Variants in RNF130 observed in about 807,000 individuals in gnomAD.
RNF130 encodes the protein E3 ubiquitin-protein ligase RNF130.
Under a neutral mutation model 44.6 loss-of-function variants are expected in RNF130, and 21 were observed. That is an observed-to-expected ratio of 0.47 (90% CI 0.33 to 0.68). The LOEUF (loss-of-function observed/expected upper bound fraction) is 0.68, where lower values mean the gene tolerates loss of function less well. RNF130 is among the 30% of genes least tolerant of loss of function. The pLI, the probability that RNF130 is intolerant of heterozygous loss-of-function variation, is 0.02. For synonymous variants in RNF130, 214 were observed against 210.4 expected (o/e 1.02, Z -0.15); for missense variants, 479 against 560.6 (o/e 0.85, Z 1.47).
chr5:179,962,164 A>G (rs1384643428), intron 8 of RNF130, among the ~76,000 whole-genome samples: 2 of 152,196 alleles, frequency 1.3e-5, no homozygotes, highest in Non-Finnish European at 2.9e-5. Flanking sequence ...AGCAGCAGCT[A>G]GTGGTTCACC....
chr5:179,917,583 C>T (rs1035862522), exon 8 of RNF130: 5 of 152,318 alleles, frequency 3.3e-5, no homozygotes, highest in African/African-American at 7.2e-5. Context: ...CATGTGGCGA[C>T]GTGTGTCTTC....
chr5:179,929,619 A>G (rs1761776621), intron 7 of RNF130, among the ~76,000 whole-genome samples: 1 of 152,204 alleles, frequency 6.6e-6, no homozygotes. Flanking sequence ...ATGGGGGTGC[A>G]TGCCTGTAGT....
chr5:180,063,978 G>A (rs1431695146), intron 1 of RNF130, among the ~76,000 whole-genome samples: 1 of 152,172 alleles, frequency 6.6e-6, no homozygotes, highest in Non-Finnish European at 1.5e-5. Flanking sequence ...GGGGACAAAG[G>A]ACACAATCAC....
intron 7 of RNF130, among the ~76,000 whole-genome samples, chr5:179,939,237 AT>A (rs1212397965): frequency 6.6e-6 from 1 of 151,220 alleles, no homozygotes; most frequent in Non-Finnish European, 1.5e-5. Context: ...AAATAAATAA[AT>A]AAAAGTGCAT....
chr5:180,025,724 C>T (rs1470765287), intron 2 of RNF130, among the ~76,000 whole-genome samples: 7 of 152,196 alleles, frequency 4.6e-5, no homozygotes, highest in African/African-American at 7.2e-5. Context: ...TAAACCCTTA[C>T]TTCCTGCCAC....
intron 1 of RNF130, among the ~76,000 whole-genome samples, chr5:180,055,576 C>T (rs1468330824): frequency 2.0e-5 from 3 of 152,122 alleles, no homozygotes; most frequent in Admixed American, 6.5e-5. Flanking sequence ...ATGGTAGTGA[C>T]TCTCTCATTC....
chr5:179,964,510 C>T (rs1762401417), intron 7 of RNF130: 2 of 152,168 alleles, frequency 1.3e-5, no homozygotes, highest in South Asian at 4.1e-4. Context: ...AATAAAATTA[C>T]CTATATATGT....
intron 7 of RNF130, among the ~76,000 whole-genome samples, chr5:179,966,357 C>T (rs1703504592): frequency 6.6e-6 from 1 of 152,240 alleles, no homozygotes; most frequent in East Asian, 1.9e-4. Flanking sequence ...GGCTATGTTC[C>T]AAGAACTGTG....
At chr5:180,069,012 A>C (rs1765179981) in intron 1 of RNF130, among the ~76,000 whole-genome samples, 1 of 152,252 alleles carries the variant, frequency 6.6e-6, no homozygotes. Flanking sequence ...AAACTCATTA[A>C]ATCAAGATTA....
At chr5:180,060,046 CAG>C (rs765844491) in intron 1 of RNF130, among the ~76,000 whole-genome samples, 3 of 152,126 alleles carry the variant, frequency 2.0e-5, no homozygotes, top group East Asian at 1.9e-4. Flanking sequence ...AAGTCAAAGT[CAG>C]AGACTTGAAG....
chr5:180,043,581 G>A (rs1467436839), intron 1 of RNF130, among the ~76,000 whole-genome samples: 1 of 151,954 alleles, frequency 6.6e-6, no homozygotes, highest in Non-Finnish European at 1.5e-5. Context: ...TCAGAAGACA[G>A]CAGTTCAGTA....
exon 8 of RNF130, chr5:179,920,243 A>G (rs971283262): frequency 1.5e-6 from 1 of 662,300 alleles, no homozygotes; most frequent in African/African-American, 1.8e-5. Flanking sequence ...TGACAGGAGA[A>G]TACAAAATAA....
chr5:179,999,741 G>C (rs1030101600), intron 3 of RNF130, among the ~76,000 whole-genome samples: 4 of 152,150 alleles, frequency 2.6e-5, no homozygotes. Flanking sequence ...AGAAAAAAAA[G>C]AAGTGAAGTG....
chr5:180,044,040 G>A (rs10068529), intron 1 of RNF130, among the ~76,000 whole-genome samples: 80,457 of 151,966 alleles, frequency 0.53, 22,391 homozygotes, highest in South Asian at 0.73. Flanking sequence ...CATGACTGAT[G>A]ACTATAATTA....
intron 1 of RNF130, among the ~76,000 whole-genome samples, chr5:180,054,842 A>C (rs1764771010): frequency 6.6e-6 from 1 of 152,200 alleles, no homozygotes; most frequent in Non-Finnish European, 1.5e-5. Flanking sequence ...GTTTATTTAC[A>C]TCTTTAATTC....
intron 1 of RNF130, among the ~76,000 whole-genome samples, chr5:180,054,591 C>T (rs1582224423): frequency 6.6e-6 from 1 of 152,198 alleles, no homozygotes; most frequent in Non-Finnish European, 1.5e-5. Flanking sequence ...CAGTTCTACT[C>T]CACTGATCTA....
At chr5:179,927,032 G>A (rs1228189218) in intron 7 of RNF130, among the ~76,000 whole-genome samples, 1 of 152,214 alleles carries the variant, frequency 6.6e-6, no homozygotes, top group African/African-American at 2.4e-5. Context: ...GGTGAGAACA[G>A]AGGAAAAACA....
chr5:180,009,190 G>A (rs995341700), intron 3 of RNF130, among the ~76,000 whole-genome samples: 3 of 151,934 alleles, frequency 2.0e-5, no homozygotes, highest in Admixed American at 2.0e-4. Context: ...GGATATCTAG[G>A]GATAAGTAAA....
intron 3 of RNF130, among the ~76,000 whole-genome samples, chr5:179,983,037 T>G (rs1369479041): frequency 6.6e-6 from 1 of 152,198 alleles, no homozygotes; most frequent in Non-Finnish European, 1.5e-5. Flanking sequence ...TCTGTTCATG[T>G]GTTTTGCCTA....
Sources: gnomAD v4.1 joint callset for allele counts (sites outside exome capture counted in the v4.1 genomes callset) on GRCh38, gnomAD v4.1.1 for gene constraint, MANE v1.5 for transcripts, NCBI Gene and HGNC (gene_info 2026-07-23, HGNC 2026-07-21) for gene names.